The following PTGER4 variants were observed in gnomAD, a reference collection of about 807,000 sequenced individuals.
PTGER4 encodes prostaglandin E2 receptor EP4 subtype.
Under a neutral mutation model 33.2 loss-of-function variants are expected in PTGER4, and 11 were observed. That is an observed-to-expected ratio of 0.33 (90% confidence interval 0.21 to 0.55). The LOEUF is 0.55. PTGER4 is among the 20% of genes least tolerant of loss of function. The pLI, the probability that PTGER4 is intolerant of heterozygous loss-of-function variation, is 0.92. For missense variants in PTGER4, 481 were observed against 650.2 expected (o/e 0.74, Z 2.83); for synonymous variants, 275 against 281.5 (o/e 0.98, Z 0.23).
At chr5:40,730,544 T>C in the PTGER4 span, among the ~76,000 whole-genome samples, 1 of 152,120 alleles carries the variant, frequency 6.6e-6, no homozygotes, top group African/African-American at 2.4e-5. Flanking sequence ...TCTCCAGAAC[T>C]TTTTCATCTT....
chr5:40,718,209 C>A, the PTGER4 span, among the ~76,000 whole-genome samples: 1 of 151,306 alleles, frequency 6.6e-6, no homozygotes, highest in Non-Finnish European at 1.5e-5. Flanking sequence ...TCACTCAAGA[C>A]CAGGAGTTCA....
At chr5:40,693,861 A>C (rs1402654234), downstream of PTGER4, 3 of 466,304 alleles carry the variant, frequency 6.4e-6, no homozygotes, top group African/African-American at 6.4e-5. Flanking sequence ...GAAATATTGC[A>C]AGAAAAGTAC....
chr5:40,722,600 G>A, the PTGER4 span, among the ~76,000 whole-genome samples: 50 of 151,058 alleles, frequency 3.3e-4, no homozygotes, highest in African/African-American at 1.0e-3. Flanking sequence ...CGGCCGCCCC[G>A]TCTGAGAAGT....
chr5:40,686,536 C>T (rs45543537), intron 2 of PTGER4, among the ~76,000 whole-genome samples: 50 of 152,280 alleles, frequency 3.3e-4, no homozygotes, highest in African/African-American at 1.1e-3. Flanking sequence ...TTTGTACATA[C>T]GTTATAAGGG....
At chr5:40,728,707 C>A in the PTGER4 span, among the ~76,000 whole-genome samples, 3 of 152,066 alleles carry the variant, frequency 2.0e-5, no homozygotes, top group African/African-American at 7.2e-5. Flanking sequence ...AATCTTATGT[C>A]CATCTGGTCA....
the PTGER4 span, among the ~76,000 whole-genome samples, chr5:40,728,919 G>A: frequency 6.6e-6 from 1 of 152,092 alleles, no homozygotes; most frequent in Non-Finnish European, 1.5e-5. Flanking sequence ...ACATTCCCTA[G>A]GCCTTCTCAC....
At chr5:40,739,223 T>C in the PTGER4 span, among the ~76,000 whole-genome samples, 1 of 152,244 alleles carries the variant, frequency 6.6e-6, no homozygotes, top group Non-Finnish European at 1.5e-5. Flanking sequence ...AAAATTCTTT[T>C]GGCTAGTCTA....
At chr5:40,694,901 T>G (rs1254731785), downstream of PTGER4, among the ~76,000 whole-genome samples, 6 of 152,248 alleles carry the variant, frequency 3.9e-5, no homozygotes. Flanking sequence ...TTATTTTTTG[T>G]TTCTTGCTAT....
the PTGER4 span, among the ~76,000 whole-genome samples, chr5:40,732,739 G>A: frequency 5.0e-3 from 754 of 152,092 alleles, 5 homozygotes; most frequent in African/African-American, 0.017. Flanking sequence ...CCCCCGAGTG[G>A]CTGGGACTAC....
chr5:40,731,796 C>T, the PTGER4 span, among the ~76,000 whole-genome samples: 369 of 152,318 alleles, frequency 2.4e-3, no homozygotes, highest in African/African-American at 8.5e-3. Context: ...AAGGCTCCTC[C>T]TCTAAGACCA....
the PTGER4 span, among the ~76,000 whole-genome samples, chr5:40,705,815 A>G: frequency 6.6e-6 from 1 of 152,106 alleles, no homozygotes; most frequent in Admixed American, 6.6e-5. Flanking sequence ...AAGAAAGTCA[A>G]AAAATAACAG....
At chr5:40,689,288 TCAGAGAC>T (rs1741407661) in intron 2 of PTGER4, among the ~76,000 whole-genome samples, 2 of 152,140 alleles carry the variant, frequency 1.3e-5, no homozygotes, top group Admixed American at 6.5e-5. Context: ...TGAGAGAGGA[TCAGAGAC>T]CTATAGCTAA....
chr5:40,680,164 C>T lies in PTGER4; in HGVS notation c.-358C>T, dbSNP rs996744604. The T allele has an allele frequency of 2.9e-4, 45 of 152,636 alleles. No homozygotes were observed. The highest frequency in any genetic ancestry group is 1.0e-3 in the African/African-American group (43 of 41,590). 9.5% of individuals were successfully genotyped at this position (152,636 alleles called of 1,614,324 possible). The stretch of plus-strand genomic sequence containing the variant: ...CAGCCTCACACCTGAACGCTGTCCT[C>T]CCGCAGACGAGACCGGCGGGCACTG... On this transcript the variant is annotated 5_prime_UTR_variant, in exon 1 of 3. Coordinates refer to ENST00000302472, the MANE Select transcript of PTGER4 (RefSeq NM_000958.3). The surrounding 1 kb of genome is among the most constrained non-coding windows in gnomAD (Gnocchi z 5.5).
Position 40,692,186 on chromosome 5 carries a change from G to A in PTGER4, c.1275G>A (p.Gln425=), listed in dbSNP as rs773887247. The A allele has an allele frequency of 6.2e-7, 1 of 1,614,240 alleles. No homozygotes were observed. The change falls in exon 3 of 3, where the codon CAG becomes CAA. Residue 425 remains glutamine (Q), a synonymous_variant. Transcript: ENST00000302472. ...LPGVPGMGLA[Q]EDTTSLRTLR... ...GTGTGCCTGGCATGGGCCTGGCCCAGGAAGACACCACCTCACTGAGGACTT... is the reference window on the plus strand; with the variant it reads ...GTGTGCCTGGCATGGGCCTGGCCCAAGAAGACACCACCTCACTGAGGACTT...
At chr5:40,726,872 G>A in the PTGER4 span, among the ~76,000 whole-genome samples, 1 of 152,068 alleles carries the variant, frequency 6.6e-6, no homozygotes, top group Non-Finnish European at 1.5e-5. Context: ...TTCTTCCCCT[G>A]TTAATGTTAG....
the PTGER4 span, among the ~76,000 whole-genome samples, chr5:40,740,743 G>A: frequency 6.6e-6 from 1 of 152,130 alleles, no homozygotes; most frequent in African/African-American, 2.4e-5. Context: ...TTCACTGGGG[G>A]TTAGACAAGC....
At chr5:40,737,989 G>C in the PTGER4 span, among the ~76,000 whole-genome samples, 1 of 152,272 alleles carries the variant, frequency 6.6e-6, no homozygotes, top group Admixed American at 6.5e-5. Flanking sequence ...CCAGTTCATG[G>C]ACACTATTAA....
At chr5:40,730,680 A>G in the PTGER4 span, among the ~76,000 whole-genome samples, 1 of 152,170 alleles carries the variant, frequency 6.6e-6, no homozygotes, top group Non-Finnish European at 1.5e-5. Flanking sequence ...TCAGTTCAAC[A>G]GTTTTTTGGA....
At chr5:40,687,514 A>T (rs925908548) in intron 2 of PTGER4, among the ~76,000 whole-genome samples, 1 of 152,202 alleles carries the variant, frequency 6.6e-6, no homozygotes, top group South Asian at 2.1e-4. Flanking sequence ...GGATGTCCCC[A>T]TCTCAACTGG....
Sources: gnomAD v4.1 joint callset for allele counts (sites outside exome capture counted in the v4.1 genomes callset) on GRCh38, gnomAD v4.1.1 for gene constraint, Gnocchi (gnomAD v3.1) non-coding constraint, MANE v1.5 for transcripts, NCBI Gene and HGNC (gene_info 2026-07-23, HGNC 2026-07-21) for gene names.